The following SPTB variants were observed in gnomAD, a reference collection of about 807,000 sequenced individuals.
The protein encoded by SPTB is spectrin beta chain, erythrocytic.
Under a neutral mutation model 256.2 loss-of-function variants are expected in SPTB, and 45 were observed. The observed-to-expected ratio is 0.18, with a 90% CI of 0.14 to 0.23. SPTB has a LOEUF of 0.23. Among genes scored for constraint, SPTB ranks in the 10% least tolerant of loss-of-function variants. The probability of loss-of-function intolerance (pLI) is 1.00; values close to 1 mark genes in which losing one functional copy is unlikely to be tolerated. For synonymous variants in SPTB, 1,231 were observed against 1,243.1 expected (o/e 0.99, Z 0.21); for missense variants, 2,715 against 3,040.4 (o/e 0.89, Z 2.52).
intron 12 of SPTB, among the ~76,000 whole-genome samples, chr14:64,794,869 G>A (rs955501069): frequency 4.6e-5 from 7 of 152,228 alleles, no homozygotes; most frequent in Non-Finnish European, 1.5e-5. Context: ...ATCGGTCTCA[G>A]GGTTGGGGCC....
At chr14:64,808,159 T>C (rs2083020426) in intron 2 of SPTB, among the ~76,000 whole-genome samples, 1 of 152,198 alleles carries the variant, frequency 6.6e-6, no homozygotes, top group Non-Finnish European at 1.5e-5. Context: ...ACTACAGGTG[T>C]GTGCCACCAC....
chr14:64,756,626 T>C (rs1332733805), intron 32 of SPTB: 1 of 152,198 alleles, frequency 6.6e-6, no homozygotes, highest in Non-Finnish European at 1.5e-5. Context: ...AACCTTTTGC[T>C]TACATTACTA....
Position 64,849,244 on chromosome 14 carries a change from T to C in SPTB, c.-51-26099A>G, listed in dbSNP as rs184998361. ...TGAATTTGAAAACACATATCCTCAA[T>C]TGGCTTCAAACAAGAAACCACGGAC... On this transcript the variant is annotated intron_variant, in intron 1 of 35. Transcript: ENST00000644917. Among the ~76,000 whole-genome samples, 4 of 152,312 alleles carry C rather than the reference T, an allele frequency of 2.6e-5. No homozygotes were observed. The East Asian group carries it at 7.7e-4, about 29-fold the overall frequency.
chr14:64,863,101 G>C (rs1316790537), intron 1 of SPTB, among the ~76,000 whole-genome samples: 1 of 152,014 alleles, frequency 6.6e-6, no homozygotes, highest in Non-Finnish European at 1.5e-5. Flanking sequence ...TATTTCTGCA[G>C]GGTGTCCTAA....
chr14:64,801,498 G>T, intron 6 of SPTB, 98 bp from the exon 7 acceptor site: 1 of 960,790 alleles, frequency 1.0e-6, no homozygotes, highest in Non-Finnish European at 1.7e-6. Flanking sequence ...AGGCAGGGAG[G>T]TGGTCAGGCA....
intron 32 of SPTB, chr14:64,766,264 TTGTG>T (rs1371774053): frequency 1.3e-5 from 6 of 461,882 alleles, no homozygotes; most frequent in African/African-American, 8.3e-5. Flanking sequence ...GGGTGTGTAT[TTGTG>T]TGTGCATGCA....
chr14:64,777,876 C>A lies in SPTB; in HGVS notation c.4563+1281G>T, dbSNP rs148228250. Among the ~76,000 whole-genome samples the A allele has an allele frequency of 4.9e-3, 742 of 152,220 alleles. 6 individuals are homozygous for A. The highest frequency in any genetic ancestry group is 0.017 in the African/African-American group (713 of 41,532). On this transcript the variant is annotated intron_variant, in intron 22 of 35. Transcript: ENST00000644917. This position sits in a 1 kb window ranked among gnomAD's most constrained non-coding sequence, Gnocchi z 4.5. ...CCTTCTTGGTTAGGGGAACCCCATC[C>A]GTATTTGTCTTGCCCTTTTCCCGAA...
chr14:64,772,750 C>A lies in SPTB; in HGVS notation c.5383G>T (p.Ala1795Ser). The A allele has an allele frequency of 6.2e-7, 1 of 1,613,888 alleles. No individual in the cohort carries two copies. Among genetic ancestry groups the A allele is most frequent in the Non-Finnish European group, 8.5e-7 (1 of 1,180,014 alleles). ...AAGTAGCGGTGCAGGTCATAGGAGGCGGCCAGCAGCTGCATGCGCGTGTCA... is the reference window on the plus strand; with the variant it reads ...AAGTAGCGGTGCAGGTCATAGGAGGAGGCCAGCAGCTGCATGCGCGTGTCA... ...LIDTRMQLLA[A>S]SYDLHRYFYT... The change falls in exon 26 of 36, where the codon GCC becomes TCC. Residue 1795 changes from alanine to serine, a missense_variant. Physicochemically the swap from Ala to Ser is moderately conservative, Grantham distance 99. Transcript: ENST00000644917. This position sits in a 1 kb window ranked among gnomAD's most constrained non-coding sequence, Gnocchi z 5.4.
chr14:64,822,351 T>TTCTCTCTG (rs1491124547), intron 2 of SPTB, among the ~76,000 whole-genome samples: 1 of 8,188 alleles, frequency 1.2e-4, no homozygotes, highest in Non-Finnish European at 2.2e-4. Flanking sequence ...CACCCCCACC[T>TTCTCTCTG]TCTCTCTCTC....
rs750047494 is a variant in SPTB, at chr14:64,749,974, G to A, written c.6776+7C>T. On this transcript the variant is annotated splice_region_variant and intron_variant, in intron 34 of 35. Transcript: ENST00000644917. This position sits in a 1 kb window ranked among gnomAD's most constrained non-coding sequence, Gnocchi z 4.7. Reference sequence around the variant, plus strand: ...ACCCGAGCTTTCAAAGGCCAGGAAGGCCTCACCTCAGCTTAAAGACGTGCT... The same window carrying A: ...ACCCGAGCTTTCAAAGGCCAGGAAGACCTCACCTCAGCTTAAAGACGTGCT... 5.0e-6 allele frequency: 8 copies of A among 1,614,206 alleles called. No individual in the cohort carries two copies. The highest frequency in any genetic ancestry group is 1.1e-5 in the South Asian group (1 of 91,086).
At chr14:64,770,848 A>AGAG in intron 27 of SPTB, 37 bp downstream of exon 27, 2 of 1,613,560 alleles carry the variant, frequency 1.2e-6, no homozygotes, top group Non-Finnish European at 1.7e-6. Context: ...TCTGGCCTGG[A>AGAG]GAGGAGCTGC....
intron 1 of SPTB, among the ~76,000 whole-genome samples, chr14:64,858,014 T>C (rs1386436254): frequency 5.9e-5 from 9 of 152,204 alleles, no homozygotes; most frequent in Non-Finnish European, 1.5e-5. Context: ...GCAAGGTGGG[T>C]ATTATTTATT....
At chr14:64,788,171 G>A (rs2082606943) in intron 15 of SPTB, among the ~76,000 whole-genome samples, 1 of 152,190 alleles carries the variant, frequency 6.6e-6, no homozygotes, top group East Asian at 1.9e-4. Flanking sequence ...GGTGACAGTT[G>A]CTCACGTGAC....
intron 1 of SPTB, among the ~76,000 whole-genome samples, chr14:64,872,734 T>G (rs1882603469): frequency 6.6e-6 from 1 of 152,182 alleles, no homozygotes; most frequent in African/African-American, 2.4e-5. Context: ...TCCCTGCATG[T>G]CGTGGGAGGG....
chr14:64,793,820 A>G lies in SPTB; in HGVS notation c.1843T>C (p.Leu615=), dbSNP rs746971645. Residue 615 remains leucine (L), a synonymous_variant, in exon 14 of 36, where the codon TTG becomes CTG. Transcript: ENST00000644917. The surrounding 1 kb of genome is among the most constrained non-coding windows in gnomAD (Gnocchi z 7.0). ...PQVIQDRISH[L]EQCFEELSNM... The stretch of plus-strand genomic sequence containing the variant: ...CTCAGCTCCTCAAAGCACTGCTCCA[A>G]GTGGCTGATGCGGTCCTGGATGACC... 6 of 1,612,046 alleles carry G rather than the reference A, an allele frequency of 3.7e-6. No individual in the cohort carries two copies. The Admixed American group carries it at 1.0e-4, about 27-fold the overall frequency.
At chr14:64,752,073 G>T in intron 33 of SPTB, 2 of 833,950 alleles carry the variant, frequency 2.4e-6, no homozygotes, top group Non-Finnish European at 3.2e-6. Context: ...CAGCCGGGGT[G>T]ACAGAGTGAG....
intron 32 of SPTB, chr14:64,755,174 G>A (rs1256051765): frequency 6.6e-6 from 1 of 152,350 alleles, no homozygotes; most frequent in East Asian, 1.9e-4. Context: ...GGAGAGAGCA[G>A]ACCATGTTCT....
rs966993411 is a variant in SPTB at position 64,775,680 on chromosome 14, A to T, written c.4564-277T>A. ...CAGTGGCAGAGCCGGAGTTGAACACAGCTCCACCTGACCTGGCAGCCTGTG... is the reference window on the plus strand; with the variant it reads ...CAGTGGCAGAGCCGGAGTTGAACACTGCTCCACCTGACCTGGCAGCCTGTG... On this transcript the variant is annotated intron_variant, in intron 22 of 35. Transcript: ENST00000644917. This position sits in a 1 kb window ranked among gnomAD's most constrained non-coding sequence, Gnocchi z 5.0. Among the ~76,000 whole-genome samples, 1 of 152,226 alleles carries T rather than the reference A, an allele frequency of 6.6e-6. No homozygotes were observed. The highest frequency in any genetic ancestry group is 2.4e-5 in the African/African-American group (1 of 41,464).
chr14:64,772,046 G>T lies in SPTB; in HGVS notation c.5553+534C>A, dbSNP rs990918119. 6.6e-6 allele frequency among the ~76,000 whole-genome samples: 1 copy of T among 152,208 alleles called. No homozygotes were observed. The highest frequency in any genetic ancestry group is 2.4e-5 in the African/African-American group (1 of 41,454). The stretch of plus-strand genomic sequence containing the variant: ...GCAGGGGTCTGAACAGTAGAACTTG[G>T]GGGCTCTCCAGCTCCCATGTGGAAA... On this transcript the variant is annotated intron_variant, in intron 26 of 35. Transcript: ENST00000644917. The surrounding 1 kb of genome is among the most constrained non-coding windows in gnomAD (Gnocchi z 5.4).
Sources: allele counts gnomAD v4.1 joint callset (sites outside exome capture counted in the v4.1 genomes callset), GRCh38; gene constraint gnomAD v4.1.1; non-coding constraint Gnocchi (gnomAD v3.1); transcripts MANE v1.5; gene names NCBI Gene and HGNC (gene_info 2026-07-23, HGNC 2026-07-21).